NSUN2: variants seen among roughly 807,000 people sequenced by gnomAD.
The protein encoded by NSUN2 is NOP2/Sun RNA methyltransferase 2.
In NSUN2, 63 loss-of-function variants were observed where a neutral mutation model predicts 92.7. The ratio of observed to expected loss-of-function variants is 0.68; its 90% CI spans 0.56 to 0.84. The LOEUF is 0.84. Ranked by LOEUF, NSUN2 falls within the 40% of genes least tolerant of loss-of-function variation. The probability of loss-of-function intolerance (pLI) is 0.00; values close to 1 mark genes in which losing one functional copy is unlikely to be tolerated. For missense variants in NSUN2, 989 were observed against 964.9 expected (o/e 1.02, Z -0.33); for synonymous variants, 356 against 348.3 (o/e 1.02, Z -0.25).
chr5:6,606,362 C>A (rs7701301), intron 14 of NSUN2, among the ~76,000 whole-genome samples: 14,636 of 152,220 alleles, frequency 0.096, 1,899 homozygotes, highest in African/African-American at 0.29. Context: ...CGGCTCACTG[C>A]AAGCTCCACC....
At chr5:6,613,041 G>A (rs2126485476) in intron 9 of NSUN2, among the ~76,000 whole-genome samples, 1 of 152,322 alleles carries the variant, frequency 6.6e-6, no homozygotes, top group African/African-American at 2.4e-5. Flanking sequence ...AGAAAAGGGA[G>A]GAAGCATCTA....
At chr5:6,608,608 C>T (rs1560974374) in intron 12 of NSUN2, among the ~76,000 whole-genome samples, 1 of 152,206 alleles carries the variant, frequency 6.6e-6, no homozygotes, top group Non-Finnish European at 1.5e-5. Context: ...TAAGACTATA[C>T]ATAAGGGGCT....
intron 3 of NSUN2, among the ~76,000 whole-genome samples, chr5:6,626,730 A>G (rs1258583702): frequency 6.6e-6 from 1 of 152,238 alleles, no homozygotes; most frequent in African/African-American, 2.4e-5. Context: ...ATGCAGCACC[A>G]TGCTCAATCC....
In NSUN2 at chr5:6,631,957, T is replaced by C. The variant is rs763590297; in HGVS notation, c.275A>G (p.His92Arg). ...GYKSHAKEIL[H>R]CLKNKYFKEL... ...CTTAAAATATTTGTTCTTTAAGCAA[T>C]GGAGAATCTCTTTTGCGTGGCTATT... Residue 92 changes from histidine to arginine, a missense_variant, in exon 3 of 19, where the codon CAT (histidine) becomes CGT (arginine). His to Arg is a conservative substitution (Grantham distance 29). Transcript: ENST00000264670. 6.2e-6 allele frequency: 10 copies of C among 1,612,930 alleles called. No homozygotes were observed. The highest frequency in any genetic ancestry group is 2.2e-5 in the East Asian group (1 of 44,894).
At chr5:6,615,360 C>T (rs910833073) in intron 9 of NSUN2, among the ~76,000 whole-genome samples, 3 of 152,142 alleles carry the variant, frequency 2.0e-5, no homozygotes, top group African/African-American at 7.2e-5. Context: ...AGCTAATGAA[C>T]ACAAAAATCT....
chr5:6,604,166 A>G lies in NSUN2; in HGVS notation c.1929T>C (p.Ser643=). The G allele has an allele frequency of 6.2e-7, 1 of 1,614,044 alleles. No individual in the cohort carries two copies. The part of the protein sequence containing the change: ...QENPFFRKLS[S]ETYSQAKDLA... ...GGTCCTTTGCTTGACTGTAGGTCTC[A>G]CTGCTGAGTTTTCTAAAAAAGGGAT... The change falls in exon 17 of 19, where the codon AGT becomes AGC. Residue 643 remains serine (S), a synonymous_variant. Transcript: ENST00000264670.
Position 6,631,881 on chromosome 5 carries a change from T to C in NSUN2, c.351A>G (p.Pro117=), listed in dbSNP as rs1481457722. 6.2e-7 allele frequency: 1 copy of C among 1,610,986 alleles called. No individual in the cohort carries two copies. Among genetic ancestry groups the C allele is most frequent in the Admixed American group, 1.7e-5 (1 of 59,972 alleles). ...AGCACTGTGGTACCTACCAACTCAG[T>C]GGCTGTGGAACTTCAACTTTCTGAC... ...VDGQKVEVPQ[P]LSWYPEELAW... The change falls in exon 3 of 19, where the codon CCA becomes CCG. Residue 117 remains proline (P), a synonymous_variant. Coordinates refer to ENST00000264670, the MANE Select transcript of NSUN2 (RefSeq NM_017755.6).
rs1043556017 is a variant in NSUN2, at chr5:6,616,767, C to T, written c.981G>A (p.Glu327=). ...VYSTCSLNPI[E]DEAVIASLLE... ...GTAAAGATGCTATGACTGCTTCATCCTCAATAGGGTTTAGTGAACACGTGG... is the reference window on the plus strand; with the variant it reads ...GTAAAGATGCTATGACTGCTTCATCTTCAATAGGGTTTAGTGAACACGTGG... The change falls in exon 9 of 19, where the codon GAG becomes GAA. Residue 327 remains glutamate (E), a synonymous_variant. Coordinates refer to ENST00000264670, the MANE Select transcript of NSUN2 (RefSeq NM_017755.6). 1 of 1,534,554 alleles carries T rather than the reference C, an allele frequency of 6.5e-7. No homozygotes were observed. The highest frequency in any genetic ancestry group is 1.1e-5 in the South Asian group (1 of 88,212).
intron 7 of NSUN2, 97 bp downstream of exon 7, chr5:6,620,009 G>A (rs535971430): frequency 3.7e-6 from 4 of 1,068,006 alleles, no homozygotes; most frequent in Non-Finnish European, 4.0e-6. Context: ...CAAGACTTAT[G>A]TACAATTGTG....
At chr5:6,623,083 ACTCT>A in intron 5 of NSUN2, 127 bp downstream of exon 5, 7 of 609,654 alleles carry the variant, frequency 1.1e-5, no homozygotes, top group Non-Finnish European at 1.6e-5. Context: ...CGTACATATC[ACTCT>A]CTATCCAAAG....
intron 10 of NSUN2, among the ~76,000 whole-genome samples, chr5:6,611,448 T>TAAAAAAAAAGAAAAAAA (rs1736985180): frequency 1.2e-5 from 1 of 86,072 alleles, no homozygotes; most frequent in African/African-American, 4.5e-5. Context: ...CGGCCCAATT[T>TAAAAAAAAAGAAAAAAA]AAAAAAAAAA....
Position 6,604,858 on chromosome 5 carries a change from T to C in NSUN2, c.1738-173A>G, listed in dbSNP as rs75249161. On this transcript the variant is annotated intron_variant, in intron 15 of 18. Coordinates refer to ENST00000264670, the MANE Select transcript of NSUN2 (RefSeq NM_017755.6). Reference sequence around the variant, plus strand: ...CTGATACTCACAACTTGTGATTACGTCGTTTGGAGGACAGTAAAGCAAATG... The same window carrying C: ...CTGATACTCACAACTTGTGATTACGCCGTTTGGAGGACAGTAAAGCAAATG... 9,512 of 624,910 alleles carry C rather than the reference T, an allele frequency of 0.015. 114 individuals carry two copies. The highest frequency in any genetic ancestry group is 0.021 in the Non-Finnish European group (7,558 of 356,994). 38.7% of individuals were successfully genotyped at this position (624,910 alleles called of 1,614,324 possible).
At chr5:6,614,351 A>C (rs879520952) in intron 9 of NSUN2, among the ~76,000 whole-genome samples, 8 of 152,100 alleles carry the variant, frequency 5.3e-5, no homozygotes, top group African/African-American at 1.2e-4. Flanking sequence ...GGACAATCCC[A>C]CATCTGCTCA....
rs1736596914 is a variant in NSUN2, at chr5:6,602,458, T to TA, written c.1997+2dup. The TA allele has an allele frequency of 1.9e-6, 3 of 1,614,090 alleles. No homozygotes were observed. Among genetic ancestry groups the TA allele is most frequent in the South Asian group, 1.1e-5 (1 of 91,076 alleles). ...TCTAAGGGCAGGGCGTGTACTGACT[T>TA]ACGCAGAATCTGGTTCATACTTCAG... On this transcript the variant is annotated splice_region_variant and intron_variant, in intron 18 of 18. Transcript: ENST00000264670.
intron 3 of NSUN2, among the ~76,000 whole-genome samples, chr5:6,631,488 A>G (rs1737890731): frequency 6.6e-6 from 1 of 152,216 alleles, no homozygotes. Context: ...AATGGAAAAC[A>G]CTAAGAGACT....
chr5:6,611,888 TTA>T, intron 9 of NSUN2, 90 bp from the exon 10 acceptor site: 1 of 1,105,866 alleles, frequency 9.0e-7, no homozygotes, highest in Non-Finnish European at 1.3e-6. Context: ...AGATCACATA[TTA>T]TATGATTCCA....
In NSUN2 at chr5:6,604,611, T is replaced by C; in HGVS notation, c.1812A>G (p.Ala604=). The stretch of plus-strand genomic sequence containing the variant: ...AATCCACTTCCAAAATTACCTCCTG[T>C]GCCAGCCGGAAAGCACAGTCAAACT... ...GEEFDCAFRL[A]QEGIYTLYPF... Residue 604 remains alanine (A), a synonymous_variant, in exon 16 of 19, where the codon GCA becomes GCG. Transcript: ENST00000264670. The C allele has an allele frequency of 6.2e-7, 1 of 1,614,074 alleles. No homozygotes were observed. The highest frequency in any genetic ancestry group is 8.5e-7 in the Non-Finnish European group (1 of 1,179,946).
chr5:6,604,429 T>G (rs1422328228), intron 16 of NSUN2, among the ~76,000 whole-genome samples, 153 bp from the exon 17 acceptor site: 1 of 148,096 alleles, frequency 6.8e-6, no homozygotes. Context: ...CACCCCCCCC[T>G]AGGAGGGGAA....
At chr5:6,617,045 T>A (rs111752116) in intron 8 of NSUN2, among the ~76,000 whole-genome samples, 188 bp from the exon 9 acceptor site, 1 of 148,440 alleles carries the variant, frequency 6.7e-6, no homozygotes, top group Admixed American at 6.6e-5. Context: ...ATAAAAAAAA[T>A]GTATTATATA....
Sources: allele counts gnomAD v4.1 joint callset (sites outside exome capture counted in the v4.1 genomes callset), GRCh38; gene constraint gnomAD v4.1.1; transcripts MANE v1.5; gene names NCBI Gene and HGNC (gene_info 2026-07-23, HGNC 2026-07-21).